Variants in AREG observed in about 807,000 individuals in gnomAD.
AREG encodes amphiregulin B.
Under a neutral mutation model 28.0 loss-of-function variants are expected in AREG, and 16 were observed. That is an observed-to-expected ratio of 0.57 (90% CI 0.39 to 0.87). The LOEUF (loss-of-function observed/expected upper bound fraction) is 0.87. Ranked by LOEUF, AREG falls within the 40% of genes least tolerant of loss-of-function variation. AREG has a pLI of 0.00. For synonymous variants in AREG, 113 were observed against 113.5 expected (o/e 1.00, Z 0.02); for missense variants, 287 against 309.1 (o/e 0.93, Z 0.53).
At position 74,454,871 on chromosome 4, in the gene AREG, A is replaced by T. The variant is rs1316219834; in HGVS notation, c.*131A>T. The T allele has an allele frequency of 1.4e-6, 1 of 699,308 alleles. No homozygotes were observed. Among genetic ancestry groups the T allele is most frequent in the East Asian group, 2.7e-5 (1 of 37,106 alleles). 43.3% of individuals were successfully genotyped at this position (699,308 alleles called of 1,614,324 possible). A position where few individuals can be genotyped will look rare whatever the true frequency, so the allele number is the denominator to read the frequency against. Reference sequence around the variant, plus strand: ...TTGTTATGATGGTTTTAAACTTTCAATTGTCACTTTTTATGCTATTTCTGT... The same window carrying T: ...TTGTTATGATGGTTTTAAACTTTCATTTGTCACTTTTTATGCTATTTCTGT... On this transcript the variant is annotated 3_prime_UTR_variant, in exon 6 of 6. Coordinates refer to ENST00000395748, the MANE Select transcript of AREG (RefSeq NM_001657.4).
At position 74,449,879 on chromosome 4, in the gene AREG, A is replaced by G. The variant is rs898309726; in HGVS notation, c.513-501A>G. Among the ~76,000 whole-genome samples the G allele has an allele frequency of 1.5e-3, 228 of 150,046 alleles. 5 individuals carry two copies. The South Asian group carries it at 0.045, about 29-fold the overall frequency. On this transcript the variant is annotated intron_variant, in intron 3 of 5. Coordinates refer to ENST00000395748, the MANE Select transcript of AREG (RefSeq NM_001657.4). ...AGTTTCCTGACCCCTGGTATAAACC[A>G]TTATTTTTTGTGCATGCTCCTGCTT... is the stretch of plus-strand genomic sequence containing the variant.
chr4:74,448,083 G>C (rs1453188964), intron 2 of AREG, among the ~76,000 whole-genome samples: 17 of 152,212 alleles, frequency 1.1e-4, no homozygotes. Context: ...AAATGTCCAT[G>C]ATGTTAGTGC....
intron 2 of AREG, among the ~76,000 whole-genome samples, chr4:74,448,047 G>A (rs2110411304): frequency 6.6e-6 from 1 of 152,292 alleles, no homozygotes; most frequent in Non-Finnish European, 1.5e-5. Flanking sequence ...GAAAATGTTG[G>A]CTGAACACCT....
chr4:74,448,932 G>A, intron 2 of AREG, 115 bp from the exon 3 acceptor site: 2 of 1,413,680 alleles, frequency 1.4e-6, no homozygotes, highest in Non-Finnish European at 1.9e-6. Context: ...TAGGTAATGA[G>A]GCACGCATGG....
chr4:74,447,318 G>T (rs1719309504), intron 2 of AREG, among the ~76,000 whole-genome samples: 1 of 152,146 alleles, frequency 6.6e-6, no homozygotes, highest in Non-Finnish European at 1.5e-5. Context: ...GAAGTAATGG[G>T]ACAGGAGGCA....
intron 3 of AREG, 63 bp downstream of exon 3, chr4:74,449,311 G>T: frequency 6.2e-7 from 1 of 1,606,228 alleles, no homozygotes; most frequent in South Asian, 1.1e-5. Context: ...ACCCCTAACT[G>T]CAGGAAACCA....
rs942221383 is a variant in AREG, at chr4:74,454,811, C to T, written c.*71C>T. The T allele has an allele frequency of 1.0e-5, 7 of 700,038 alleles. No homozygotes were observed. The highest frequency in any genetic ancestry group is 1.8e-5 in the Non-Finnish European group (7 of 383,556). 43.4% of individuals were successfully genotyped at this position (700,038 alleles called of 1,614,324 possible). A position where few individuals can be genotyped will look rare whatever the true frequency, so the allele number is the denominator to read the frequency against. ...CATAGCCATAAATGATGAGTCGGTC[C>T]TCTTTCCAGTGGATCATAAGACAAT... On this transcript the variant is annotated 3_prime_UTR_variant, in exon 6 of 6. Coordinates refer to ENST00000395748, the MANE Select transcript of AREG (RefSeq NM_001657.4).
At position 74,452,624 on chromosome 4, in the gene AREG, A is replaced by G. The variant is rs1465313875; in HGVS notation, c.746A>G (p.His249Arg). The G allele has an allele frequency of 1.1e-5, 18 of 1,613,494 alleles. No homozygotes were observed. In the East Asian group the frequency reaches 2.0e-4, roughly 18 times the overall value. Residue 249 changes from histidine to arginine, a missense_variant, in exon 5 of 6, where the codon CAT (histidine) becomes CGT (arginine). Physicochemically the swap from His to Arg is conservative, Grantham distance 29. Coordinates refer to ENST00000395748, the MANE Select transcript of AREG (RefSeq NM_001657.4). ...CTTCGACAAGAGAATGGAAATGTACATGCTATAGCATAACTGAAGATAAAA... is the reference window on the plus strand; with the variant it reads ...CTTCGACAAGAGAATGGAAATGTACGTGCTATAGCATAACTGAAGATAAAA... ...KKLRQENGNV[H>R]AIA
At chr4:74,449,753 TCAAAA>T (rs1236553711) in intron 3 of AREG, among the ~76,000 whole-genome samples, 2 of 152,214 alleles carry the variant, frequency 1.3e-5, no homozygotes, top group South Asian at 4.1e-4. Flanking sequence ...AGGCCCTGTC[TCAAAA>T]CAAAACAAAA....
rs1719362839 is a variant in AREG, at chr4:74,450,407, G to A, written c.540G>A (p.Arg180=). Residue 180 remains arginine (R), a synonymous_variant, in exon 4 of 6, where the codon CGG becomes CGA. Coordinates refer to ENST00000395748, the MANE Select transcript of AREG (RefSeq NM_001657.4). The stretch of plus-strand genomic sequence containing the variant: ...GTCAGCAAGAATATTTCGGTGAACG[G>A]TGTGGGGAAAAGTCCATGAAAACTC... ...CKCQQEYFGE[R]CGEKSMKTHS... The A allele has an allele frequency of 6.2e-7, 1 of 1,613,942 alleles. No homozygotes were observed. The highest frequency in any genetic ancestry group is 8.5e-7 in the Non-Finnish European group (1 of 1,179,842).
In AREG at chr4:74,446,412, A is replaced by G. The variant is rs569090489; in HGVS notation, c.62-122A>G. On this transcript the variant is annotated intron_variant, in intron 1 of 5. Transcript: ENST00000395748. ...TTTCATAGAAATGACTCAATCACAA[A>G]CAATAGCACATGTGCAATAACTGCT... 3.4e-5 allele frequency: 53 copies of G among 1,542,972 alleles called. No individual in the cohort carries two copies. The East Asian group carries it at 6.8e-4, about 20-fold the overall frequency.
At chr4:74,446,046 T>G (rs1304017230) in intron 1 of AREG, among the ~76,000 whole-genome samples, 1 of 88,068 alleles carries the variant, frequency 1.1e-5, no homozygotes, top group Admixed American at 1.6e-4. Context: ...AAATATCTTT[T>G]AAAAATATGA....
intron 2 of AREG, chr4:74,448,820 CTAATTCCCAACT>C: frequency 1.8e-6 from 1 of 555,018 alleles, no homozygotes; most frequent in South Asian, 3.5e-5. Flanking sequence ...GTAGTACTCA[CTAATTCCCAACT>C]ATAATCATGA....
In AREG at chr4:74,449,118, A is replaced by G; in HGVS notation, c.382A>G (p.Lys128Glu). The G allele has an allele frequency of 6.2e-7, 1 of 1,612,728 alleles. No homozygotes were observed. The highest frequency in any genetic ancestry group is 8.5e-7 in the Non-Finnish European group (1 of 1,179,706). ...ENTSDKPKRK[K>E]KGGKNGKNRR... Reference sequence around the variant, plus strand: ...TACTTCAGATAAACCCAAAAGAAAGAAAAAGGGAGGCAAAAATGGAAAAAA... The same window carrying G: ...TACTTCAGATAAACCCAAAAGAAAGGAAAAGGGAGGCAAAAATGGAAAAAA... The change falls in exon 3 of 6, where the codon AAA becomes GAA. Residue 128 changes from lysine (K) to glutamate (E), a missense_variant. Physicochemically the swap from Lys to Glu is moderately conservative, Grantham distance 56 (BLOSUM62 1). Coordinates refer to ENST00000395748, the MANE Select transcript of AREG (RefSeq NM_001657.4).
In AREG at chr4:74,449,142, A is replaced by C. The variant is rs902203559; in HGVS notation, c.406A>C (p.Asn136His). Residue 136 changes from asparagine (N) to histidine (H), a missense_variant, in exon 3 of 6, where the codon AAT (asparagine) becomes CAT (histidine). Transcript: ENST00000395748. ...RKKKGGKNGK[N>H]RRNRKKKNPC... ...GAAAAAGGGAGGCAAAAATGGAAAAAATAGAAGAAACAGAAAGAAGAAAAA... is the reference window on the plus strand; with the variant it reads ...GAAAAAGGGAGGCAAAAATGGAAAACATAGAAGAAACAGAAAGAAGAAAAA... 1 of 1,612,938 alleles carries C rather than the reference A, an allele frequency of 6.2e-7. No individual in the cohort carries two copies. The highest frequency in any genetic ancestry group is 1.3e-5 in the African/African-American group (1 of 74,772).
intron 2 of AREG, among the ~76,000 whole-genome samples, chr4:74,447,101 G>A (rs1325848946): frequency 6.6e-6 from 1 of 152,218 alleles, no homozygotes; most frequent in Admixed American, 6.5e-5. Context: ...GTGACAAGCA[G>A]ATGAGCTAGA....
At position 74,445,384 on chromosome 4, in the gene AREG, G is replaced by C. The variant is rs1719254072; in HGVS notation, c.39G>C (p.Leu13=). The C allele has an allele frequency of 6.2e-7, 1 of 1,610,680 alleles. No homozygotes were observed. Among genetic ancestry groups the C allele is most frequent in the Non-Finnish European group, 8.5e-7 (1 of 1,179,262 alleles). Residue 13 remains leucine, a synonymous_variant, in exon 1 of 6, where the codon CTG becomes CTC. Transcript: ENST00000395748. ...TGCTACCGCCGGCGCCGGTGGTGCT[G>C]TCGCTCTTGATACTCGGCTCAGGTG... ...APLLPPAPVV[L]SLLILGSGHY...
At chr4:74,452,437 G>A (rs1381539667) in intron 4 of AREG, 107 bp from the exon 5 acceptor site, 3 of 1,260,842 alleles carry the variant, frequency 2.4e-6, no homozygotes, top group Non-Finnish European at 3.4e-6. Flanking sequence ...AGTGATTGCT[G>A]GTCTATCACT....
intron 1 of AREG, among the ~76,000 whole-genome samples, chr4:74,446,314 A>G (rs1178025717): frequency 6.6e-6 from 1 of 152,244 alleles, no homozygotes. Flanking sequence ...ATCTGTGGAA[A>G]AGAAAAACTT....
Sources: allele counts gnomAD v4.1 joint callset (sites outside exome capture counted in the v4.1 genomes callset), GRCh38; gene constraint gnomAD v4.1.1; transcripts MANE v1.5; gene names NCBI Gene and HGNC (gene_info 2026-07-23, HGNC 2026-07-21).